Variants in GLO1 observed in about 807,000 individuals in gnomAD.
GLO1 encodes glyoxalase I.
Under a neutral mutation model 26.0 loss-of-function variants are expected in GLO1, and 28 were observed. The ratio of observed to expected loss-of-function variants is 1.08; its 90% CI spans 0.80 to 1.48. GLO1 has a LOEUF of 1.48. Ranked by LOEUF, GLO1 falls within the 40% of genes most tolerant of loss-of-function variation. The pLI is 0.00. For synonymous variants in GLO1, 78 were observed against 77.6 expected (o/e 1.00, Z -0.03); for missense variants, 225 against 224.8 (o/e 1.00, Z -0.01).
At chr6:38,692,240 A>G (rs71571340) in intron 1 of GLO1, among the ~76,000 whole-genome samples, 2,440 of 152,254 alleles carry the variant, frequency 0.016, 26 homozygotes, top group African/African-American at 0.022. Flanking sequence ...TGTTTTCAGC[A>G]TATGTGTCCT....
intron 5 of GLO1, among the ~76,000 whole-genome samples, chr6:38,680,670 G>A (rs1621483): frequency 0.13 from 20,172 of 152,158 alleles, 3,437 homozygotes; most frequent in African/African-American, 0.39. Flanking sequence ...TGAAAGAATC[G>A]CTTGAGCTCA....
At chr6:38,695,243 A>C (rs1046354243) in intron 1 of GLO1, among the ~76,000 whole-genome samples, 2 of 151,868 alleles carry the variant, frequency 1.3e-5, no homozygotes. Flanking sequence ...GTGTTTTTGC[A>C]TGTATCTCTT....
rs1761387485 is a variant in GLO1 at position 38,682,009 on chromosome 6, C to T, written c.466+3G>A. 1 of 1,417,316 alleles carries T rather than the reference C, an allele frequency of 7.1e-7. No individual in the cohort carries two copies. The highest frequency in any genetic ancestry group is 1.0e-6 in the Non-Finnish European group (1 of 1,000,264). 87.8% of individuals were successfully genotyped at this position (1,417,316 alleles called of 1,614,324 possible). A position where few individuals can be genotyped will look rare whatever the true frequency, so the allele number is the denominator to read the frequency against. On this transcript the variant is annotated splice_donor_region_variant and intron_variant, in intron 5 of 5. Transcript: ENST00000373365. ...GCCTGAACACAGTAAGTAGTAGACTCACCATCATCAGGTTTCTTCACAAAT... is the reference window on the plus strand; with the variant it reads ...GCCTGAACACAGTAAGTAGTAGACTTACCATCATCAGGTTTCTTCACAAAT...
intron 5 of GLO1, among the ~76,000 whole-genome samples, chr6:38,681,121 T>A (rs1000029718): frequency 1.3e-4 from 20 of 152,126 alleles, no homozygotes; most frequent in African/African-American, 4.8e-4. Flanking sequence ...TGGAGTGCAG[T>A]GGTGCGATCT....
At chr6:38,679,801 A>T (rs1761339506) in intron 5 of GLO1, among the ~76,000 whole-genome samples, 10 of 152,068 alleles carry the variant, frequency 6.6e-5, no homozygotes, top group Admixed American at 6.5e-4. Flanking sequence ...CTCAAAAAAA[A>T]AAAAAAGTAA....
rs565507502 is a variant in GLO1 at position 38,698,684 on chromosome 6, G to A, written c.84+4287C>T. Among the ~76,000 whole-genome samples the A allele has an allele frequency of 1.0e-3, 148 of 142,190 alleles. 2 individuals are homozygous for A. The highest frequency in any genetic ancestry group is 6.3e-3 in the South Asian group (29 of 4,602). 93.3% of individuals were successfully genotyped at this position (142,190 alleles called of 152,430 possible). ...TTTTTTTTTTTTTTTTTTTGAGACGGAGTCTCTCTCTGTTGCCAGGAGAAT... is the reference window on the plus strand; with the variant it reads ...TTTTTTTTTTTTTTTTTTTGAGACGAAGTCTCTCTCTGTTGCCAGGAGAAT... On this transcript the variant is annotated intron_variant, in intron 1 of 5. Transcript: ENST00000373365.
In GLO1 at chr6:38,681,689, C is replaced by T. The variant is rs557192543; in HGVS notation, c.466+323G>A. ...GGACTTTAAGGAACTTATTTTTGGG[C>T]GGAAAGATATACACTGAAATAGTGA... On this transcript the variant is annotated intron_variant, in intron 5 of 5. Transcript: ENST00000373365. Among the ~76,000 whole-genome samples the T allele has an allele frequency of 1.3e-4, 20 of 152,118 alleles. No individual in the cohort carries two copies. The East Asian group carries it at 2.7e-3, about 21-fold the overall frequency.
rs1562481861 is a variant in GLO1, at chr6:38,681,995, G to A, written c.466+17C>T. ...TCAACTAAAGACAGGCCTGAACACA[G>A]TAAGTAGTAGACTCACCATCATCAG... On this transcript the variant is annotated intron_variant, in intron 5 of 5. Coordinates refer to ENST00000373365, the MANE Select transcript of GLO1 (RefSeq NM_006708.3). The A allele has an allele frequency of 7.9e-7, 1 of 1,263,456 alleles. No homozygotes were observed. The highest frequency in any genetic ancestry group is 1.7e-5 in the Admixed American group (1 of 59,634). The allele number at this position is 1,263,456 out of a possible 1,614,324, so 78.3% of individuals were successfully genotyped here. A position where few individuals can be genotyped will look rare whatever the true frequency, so the allele number is the denominator to read the frequency against.
intron 5 of GLO1, among the ~76,000 whole-genome samples, chr6:38,681,742 T>G (rs766089695): frequency 2.6e-5 from 4 of 152,114 alleles, no homozygotes; most frequent in Non-Finnish European, 5.9e-5. Flanking sequence ...AAGAAAGTGG[T>G]GGGGTCGGGC....
intron 1 of GLO1, 141 bp from the exon 2 acceptor site, chr6:38,687,115 T>C: frequency 7.0e-7 from 1 of 1,424,434 alleles, no homozygotes; most frequent in South Asian, 1.6e-5. Flanking sequence ...CAGTGGTATC[T>C]TCTGGTTGCA....
chr6:38,701,842 C>A (rs547802167), intron 1 of GLO1, among the ~76,000 whole-genome samples: 3 of 151,702 alleles, frequency 2.0e-5, no homozygotes, highest in South Asian at 2.1e-4. Flanking sequence ...AAGGAATTTA[C>A]AAATGATGTA....
Position 38,676,491 on chromosome 6 carries a change from G to A in GLO1, c.*804C>T, listed in dbSNP as rs915159066. 3 of 152,126 alleles carry A rather than the reference G, an allele frequency of 2.0e-5. No homozygotes were observed. The highest frequency in any genetic ancestry group is 7.2e-5 in the African/African-American group (3 of 41,428). 9.4% of individuals were successfully genotyped at this position (152,126 alleles called of 1,614,324 possible). ...CAGGAAACCAGTGGAGGTATTGTGAGGTACTACAACTTTGAGGCACAATCT... is the reference window on the plus strand; with the variant it reads ...CAGGAAACCAGTGGAGGTATTGTGAAGTACTACAACTTTGAGGCACAATCT... On this transcript the variant is annotated 3_prime_UTR_variant, in exon 6 of 6. Transcript: ENST00000373365.
chr6:38,678,858 A>C (rs1761317730), intron 5 of GLO1, among the ~76,000 whole-genome samples: 1 of 151,626 alleles, frequency 6.6e-6, no homozygotes. Context: ...AAATAAATTT[A>C]AGTCTCATTT....
In GLO1 at chr6:38,702,880, T is replaced by A. The variant is rs1761725830; in HGVS notation, c.84+91A>T. 3.7e-5 allele frequency: 27 copies of A among 727,728 alleles called. No individual in the cohort carries two copies. In the Admixed American group the frequency reaches 4.9e-4, roughly 13 times the overall value. The allele number at this position is 727,728 out of a possible 1,614,324, so 45.1% of individuals were successfully genotyped here. A position where few individuals can be genotyped will look rare whatever the true frequency, so the allele number is the denominator to read the frequency against. ...CCCGTCCGCCCGAGGCCGGCGGACC[T>A]GCAGCGGCGGCGGGATGGGGTTGGA... On this transcript the variant is annotated intron_variant, in intron 1 of 5. Transcript: ENST00000373365.
intron 1 of GLO1, among the ~76,000 whole-genome samples, chr6:38,694,765 T>G (rs1761584932): frequency 6.6e-6 from 1 of 152,220 alleles, no homozygotes; most frequent in African/African-American, 2.4e-5. Flanking sequence ...TTTTGCTTCA[T>G]GTGTTCCCTA....
intron 1 of GLO1, among the ~76,000 whole-genome samples, chr6:38,692,187 C>A (rs1433411629): frequency 6.6e-6 from 1 of 152,118 alleles, no homozygotes; most frequent in Non-Finnish European, 1.5e-5. Context: ...CACAATAAAT[C>A]TCTCCATTTA....
chr6:38,683,506 T>C (rs1040471966), intron 3 of GLO1, among the ~76,000 whole-genome samples: 1 of 152,232 alleles, frequency 6.6e-6, no homozygotes, highest in Non-Finnish European at 1.5e-5. Context: ...TTTTGGATGC[T>C]GAAAGACTAA....
intron 1 of GLO1, among the ~76,000 whole-genome samples, chr6:38,694,331 G>T (rs900433549): frequency 6.6e-6 from 1 of 152,104 alleles, no homozygotes; most frequent in African/African-American, 2.4e-5. Flanking sequence ...TGATGGTATT[G>T]CTGAGTTCTT....
intron 1 of GLO1, among the ~76,000 whole-genome samples, chr6:38,690,465 T>C (rs1761513869): frequency 2.6e-5 from 4 of 152,158 alleles, no homozygotes. Flanking sequence ...TTAAATGGCA[T>C]GGAGATATAT....
Sources: gnomAD v4.1 joint callset for allele counts (sites outside exome capture counted in the v4.1 genomes callset) on GRCh38, gnomAD v4.1.1 for gene constraint, MANE v1.5 for transcripts, NCBI Gene and HGNC (gene_info 2026-07-23, HGNC 2026-07-21) for gene names.